The following IRAK2 variants were observed in gnomAD, a reference collection of about 807,000 sequenced individuals.
IRAK2 encodes interleukin 1 receptor associated kinase 2, also known as interleukin-1 receptor-associated kinase-like 2.
Under a neutral mutation model 72.0 loss-of-function variants are expected in IRAK2, and 57 were observed. The observed-to-expected ratio is 0.79, with a 90% CI of 0.64 to 0.99. IRAK2 has a LOEUF of 0.99. Among genes scored for constraint, IRAK2 ranks in the 50% least tolerant of loss-of-function variants. IRAK2 has a pLI of 0.00. For missense variants in IRAK2, 790 were observed against 794.4 expected (o/e 0.99, Z 0.07); for synonymous variants, 293 against 312.7 (o/e 0.94, Z 0.67).
At chr3:10,178,231 G>T (rs1268794325) in intron 2 of IRAK2, among the ~76,000 whole-genome samples, 1 of 152,228 alleles carries the variant, frequency 6.6e-6, no homozygotes, top group Non-Finnish European at 1.5e-5. Context: ...GCTGAGGTAG[G>T]TGAATCACCT....
chr3:10,198,950 A>G (rs1348997384), intron 2 of IRAK2, among the ~76,000 whole-genome samples: 1 of 152,124 alleles, frequency 6.6e-6, no homozygotes, highest in Non-Finnish European at 1.5e-5. Context: ...AGAATGAGGG[A>G]CTTGAATGCA....
intron 1 of IRAK2, among the ~76,000 whole-genome samples, chr3:10,166,832 T>C (rs1696699346): frequency 6.6e-6 from 1 of 152,148 alleles, no homozygotes; most frequent in African/African-American, 2.4e-5. Context: ...TTAGTAGAGA[T>C]GGGGTTTCGC....
chr3:10,200,994 C>T (rs1445401121), intron 3 of IRAK2, among the ~76,000 whole-genome samples: 1 of 152,114 alleles, frequency 6.6e-6, no homozygotes, highest in Admixed American at 6.6e-5. Flanking sequence ...TGTAGACGTG[C>T]ATATGTACAT....
In IRAK2 at chr3:10,234,448, T is replaced by G; in HGVS notation, c.1273-11T>G. 6.2e-7 allele frequency: 1 copy of G among 1,613,170 alleles called. No homozygotes were observed. Among genetic ancestry groups the G allele is most frequent in the Non-Finnish European group, 8.5e-7 (1 of 1,179,168 alleles). Reference sequence around the variant, plus strand: ...GCTCACGCAAGGGCGTTTCTACCCTTCTTCCCACAGAAGGACTTACTCCTC... The same window carrying G: ...GCTCACGCAAGGGCGTTTCTACCCTGCTTCCCACAGAAGGACTTACTCCTC... On this transcript the variant is annotated splice_polypyrimidine_tract_variant and intron_variant, in intron 10 of 12. Coordinates refer to ENST00000256458, the MANE Select transcript of IRAK2 (RefSeq NM_001570.4).
intron 1 of IRAK2, among the ~76,000 whole-genome samples, chr3:10,165,912 T>C (rs999104528): frequency 6.6e-6 from 1 of 152,006 alleles, no homozygotes; most frequent in African/African-American, 2.4e-5. Flanking sequence ...GTATTCTTAG[T>C]AGAGACGGGG....
chr3:10,165,981 G>A (rs940732693), intron 1 of IRAK2, among the ~76,000 whole-genome samples: 15 of 151,942 alleles, frequency 9.9e-5, no homozygotes, highest in Non-Finnish European at 2.1e-4. Flanking sequence ...GCCCACCCTG[G>A]GCCTCCCAAA....
In IRAK2 at chr3:10,184,294, T is replaced by A. The variant is rs560218851; in HGVS notation, c.277+6274T>A. On this transcript the variant is annotated intron_variant, in intron 2 of 12. Transcript: ENST00000256458. The stretch of plus-strand genomic sequence containing the variant: ...TTTTATGTGCAACTAAAGCTTCTAG[T>A]ACTCTAGAAAAGGAGGCAATCAGTA... Among the ~76,000 whole-genome samples the A allele has an allele frequency of 6.6e-5, 10 of 152,300 alleles. No individual in the cohort carries two copies. In the East Asian group the frequency reaches 1.2e-3, roughly 18 times the overall value.
chr3:10,231,045 C>G (rs1448784596), intron 10 of IRAK2, among the ~76,000 whole-genome samples: 1 of 152,190 alleles, frequency 6.6e-6, no homozygotes, highest in African/African-American at 2.4e-5. Context: ...CATGTGCCCT[C>G]ACGCCCAGCT....
At chr3:10,202,503 G>A (rs1356592619) in intron 3 of IRAK2, among the ~76,000 whole-genome samples, 1 of 152,024 alleles carries the variant, frequency 6.6e-6, no homozygotes, top group Non-Finnish European at 1.5e-5. Context: ...GGTACATGTA[G>A]TCCCAGCTAC....
chr3:10,226,812 C>T (rs1037315491), intron 10 of IRAK2, among the ~76,000 whole-genome samples: 1 of 151,652 alleles, frequency 6.6e-6, no homozygotes, highest in Non-Finnish European at 1.5e-5. Flanking sequence ...CAGGTGTGGT[C>T]GCATGTGCCT....
intron 4 of IRAK2, among the ~76,000 whole-genome samples, chr3:10,212,946 T>G (rs1697545791): frequency 1.3e-5 from 2 of 152,108 alleles, no homozygotes; most frequent in South Asian, 4.2e-4. Context: ...TTTTTGTATT[T>G]TTTAGTAGAG....
chr3:10,202,600 G>C (rs1429424367), intron 3 of IRAK2, among the ~76,000 whole-genome samples: 2 of 151,998 alleles, frequency 1.3e-5, no homozygotes, highest in African/African-American at 4.8e-5. Flanking sequence ...TCCAGCCTGG[G>C]TGACAGAGTG....
intron 9 of IRAK2, among the ~76,000 whole-genome samples, chr3:10,225,480 T>C (rs1697759238): frequency 6.6e-6 from 1 of 152,190 alleles, no homozygotes; most frequent in South Asian, 2.1e-4. Flanking sequence ...ACATATATCA[T>C]GGTTTGCCAA....
intron 2 of IRAK2, among the ~76,000 whole-genome samples, chr3:10,192,270 G>A (rs1697188255): frequency 6.6e-6 from 1 of 152,176 alleles, no homozygotes; most frequent in Non-Finnish European, 1.5e-5. Flanking sequence ...TTACTGTGTA[G>A]TTTGACGGGC....
intron 2 of IRAK2, among the ~76,000 whole-genome samples, chr3:10,185,558 CAAAAAAA>C (rs770606601): frequency 1.1e-4 from 8 of 70,114 alleles, no homozygotes; most frequent in African/African-American, 1.9e-4. Context: ...AACTCCGTCT[CAAAAAAA>C]AAAAAAAAAA....
At chr3:10,181,215 C>T (rs1340459540) in intron 2 of IRAK2, among the ~76,000 whole-genome samples, 1 of 152,148 alleles carries the variant, frequency 6.6e-6, no homozygotes, top group Non-Finnish European at 1.5e-5. Flanking sequence ...CACCTGAAAC[C>T]CCTCCCTGCC....
chr3:10,210,149 G>A (rs1697496712), intron 4 of IRAK2, among the ~76,000 whole-genome samples: 2 of 152,182 alleles, frequency 1.3e-5, no homozygotes, highest in South Asian at 2.1e-4. Context: ...TCGAACTCCT[G>A]ACGTCAGGTG....
At chr3:10,182,772 TTTG>T (rs1332031242) in intron 2 of IRAK2, among the ~76,000 whole-genome samples, 1 of 151,716 alleles carries the variant, frequency 6.6e-6, no homozygotes, top group African/African-American at 2.4e-5. Context: ...TGCCCACTAA[TTTG>T]TTTTTTTTTT....
At chr3:10,177,594 G>C (rs1424411507) in intron 1 of IRAK2, among the ~76,000 whole-genome samples, 7 of 152,190 alleles carry the variant, frequency 4.6e-5, no homozygotes, top group African/African-American at 1.7e-4. Context: ...AATGCTCAAG[G>C]CTTTGACCCT....
Sources: allele counts gnomAD v4.1 joint callset (sites outside exome capture counted in the v4.1 genomes callset), GRCh38; gene constraint gnomAD v4.1.1; transcripts MANE v1.5; gene names NCBI Gene and HGNC (gene_info 2026-07-23, HGNC 2026-07-21).